Variants in CPQ observed in about 807,000 individuals in gnomAD.
CPQ encodes Ser-Met dipeptidase.
In CPQ, 37 loss-of-function variants were observed where a neutral mutation model predicts 45.7. That is an observed-to-expected ratio of 0.81 (90% CI 0.62 to 1.07). The LOEUF is 1.07. Among genes scored for constraint, CPQ ranks in the 50% least tolerant of loss-of-function variants. The pLI is 0.00. For synonymous variants in CPQ, 186 were observed against 205.8 expected (o/e 0.90, Z 0.82); for missense variants, 537 against 572.9 (o/e 0.94, Z 0.64).
intron 6 of CPQ, among the ~76,000 whole-genome samples, chr8:97,058,233 G>A (rs577949785): frequency 1.3e-5 from 2 of 152,128 alleles, no homozygotes; most frequent in South Asian, 2.1e-4. Flanking sequence ...AGAGTATAGC[G>A]TAGTCTATTT....
At chr8:97,114,355 C>T (rs1327363460) in intron 7 of CPQ, among the ~76,000 whole-genome samples, 1 of 152,276 alleles carries the variant, frequency 6.6e-6, no homozygotes, top group African/African-American at 2.4e-5. Flanking sequence ...TCAGCGCTGC[C>T]GTTGAGCAGC....
intron 2 of CPQ, among the ~76,000 whole-genome samples, chr8:96,834,570 A>G (rs1445904521): frequency 6.6e-6 from 1 of 152,212 alleles, no homozygotes; most frequent in Non-Finnish European, 1.5e-5. Context: ...AGTTATATAA[A>G]AAGATTAATA....
intron 2 of CPQ, among the ~76,000 whole-genome samples, chr8:96,812,516 G>A (rs1185098080): frequency 6.6e-6 from 1 of 152,038 alleles, no homozygotes; most frequent in Non-Finnish European, 1.5e-5. Context: ...ATTCCTTGAG[G>A]GATCAAAATA....
At chr8:96,956,005 A>G (rs542975401) in intron 4 of CPQ, among the ~76,000 whole-genome samples, 23 of 152,300 alleles carry the variant, frequency 1.5e-4, no homozygotes, top group Admixed American at 4.6e-4. Flanking sequence ...AATGGCAACA[A>G]AAGCCAAAAT....
chr8:96,797,393 TATG>T (rs1810945894), intron 2 of CPQ, among the ~76,000 whole-genome samples: 1 of 152,188 alleles, frequency 6.6e-6, no homozygotes, highest in Non-Finnish European at 1.5e-5. Context: ...TAATCAACAA[TATG>T]ATATGGACTT....
chr8:97,019,966 A>G (rs1277856938), intron 5 of CPQ, among the ~76,000 whole-genome samples: 2 of 152,224 alleles, frequency 1.3e-5, no homozygotes, highest in East Asian at 1.9e-4. Context: ...AAGATAGACC[A>G]TATGATAGGC....
chr8:96,934,534 AGTTT>A (rs1002898379), intron 4 of CPQ, among the ~76,000 whole-genome samples: 1 of 152,134 alleles, frequency 6.6e-6, no homozygotes, highest in Non-Finnish European at 1.5e-5. Context: ...TCAGCTCAGA[AGTTT>A]GTTTCTTTGA....
chr8:96,939,584 G>A (rs1813099011), intron 4 of CPQ, among the ~76,000 whole-genome samples: 1 of 152,110 alleles, frequency 6.6e-6, no homozygotes, highest in Non-Finnish European at 1.5e-5. Flanking sequence ...CGTTTTAGTT[G>A]TACATAGTCT....
chr8:96,911,053 C>T (rs1455701693), intron 4 of CPQ, among the ~76,000 whole-genome samples: 1 of 151,894 alleles, frequency 6.6e-6, no homozygotes, highest in Non-Finnish European at 1.5e-5. Context: ...GTAGTTAGGA[C>T]TTTTTATGAT....
chr8:96,962,146 A>G (rs1265514909), intron 4 of CPQ, among the ~76,000 whole-genome samples: 4 of 152,096 alleles, frequency 2.6e-5, no homozygotes, highest in Non-Finnish European at 5.9e-5. Flanking sequence ...TTCTTCCCCT[A>G]TTCCCAAGGC....
intron 2 of CPQ, among the ~76,000 whole-genome samples, chr8:96,819,050 C>T (rs573988919): frequency 6.6e-6 from 1 of 152,094 alleles, no homozygotes; most frequent in East Asian, 1.9e-4. Flanking sequence ...AAGTCTGTCT[C>T]TCCTCTACTC....
At chr8:97,055,100 T>G (rs1810430168) in intron 6 of CPQ, among the ~76,000 whole-genome samples, 1 of 152,172 alleles carries the variant, frequency 6.6e-6, no homozygotes, top group Non-Finnish European at 1.5e-5. Context: ...CTGTGATTGT[T>G]GGTTTTGCTC....
intron 4 of CPQ, 101 bp from the exon 5 acceptor site, chr8:96,965,834 T>C: frequency 4.3e-6 from 3 of 692,974 alleles, no homozygotes; most frequent in Non-Finnish European, 6.8e-6. Flanking sequence ...GGAAAGAAAA[T>C]ATAAAAGTTT....
chr8:96,979,282 G>T (rs1813845492), intron 5 of CPQ, among the ~76,000 whole-genome samples: 1 of 151,978 alleles, frequency 6.6e-6, no homozygotes, highest in Non-Finnish European at 1.5e-5. Context: ...TCTAAAATAG[G>T]GATATCACAT....
chr8:97,091,181 A>G (rs1811118983), intron 7 of CPQ, among the ~76,000 whole-genome samples: 1 of 152,206 alleles, frequency 6.6e-6, no homozygotes, highest in Admixed American at 6.5e-5. Flanking sequence ...ATGACTGTGT[A>G]TCTTAATAAA....
intron 2 of CPQ, among the ~76,000 whole-genome samples, chr8:96,786,941 T>G (rs1375564536): frequency 6.6e-6 from 1 of 152,166 alleles, no homozygotes; most frequent in Non-Finnish European, 1.5e-5. Flanking sequence ...TTCATATATT[T>G]GATTTACTAA....
Position 96,777,794 on chromosome 8 carries a change from T to C in CPQ, c.-34-7070T>C, listed in dbSNP as rs202247314. 1.7e-3 allele frequency among the ~76,000 whole-genome samples: 172 copies of C among 104,146 alleles called. 4 individuals carry two copies. The East Asian group carries it at 0.049, about 30-fold the overall frequency. The allele number at this position is 104,146 out of a possible 152,430, so 68.3% of individuals were successfully genotyped here. On this transcript the variant is annotated intron_variant, in intron 1 of 7. Transcript: ENST00000220763. Reference sequence around the variant, plus strand: ...TTTTTTTTTTTTTTTTTTTTTTTTTTCTGGACTCACTGCAAACTCTGCCTC... The same window carrying C: ...TTTTTTTTTTTTTTTTTTTTTTTTTCCTGGACTCACTGCAAACTCTGCCTC...
intron 1 of CPQ, among the ~76,000 whole-genome samples, chr8:96,749,714 C>T (rs539305829): frequency 6.6e-6 from 1 of 152,148 alleles, no homozygotes; most frequent in African/African-American, 2.4e-5. Flanking sequence ...TGGGTGTTGG[C>T]TCGGATGTGA....
At chr8:97,133,951 C>T (rs1267538628) in intron 7 of CPQ, among the ~76,000 whole-genome samples, 1 of 152,186 alleles carries the variant, frequency 6.6e-6, no homozygotes, top group Non-Finnish European at 1.5e-5. Context: ...TAAGAACATA[C>T]TGAGTTCTAC....
Sources: allele counts gnomAD v4.1 joint callset (sites outside exome capture counted in the v4.1 genomes callset), GRCh38; gene constraint gnomAD v4.1.1; transcripts MANE v1.5; gene names NCBI Gene and HGNC (gene_info 2026-07-23, HGNC 2026-07-21).